The following ASIC2 variants were observed in gnomAD, a reference collection of about 807,000 sequenced individuals.
ASIC2 encodes the protein acid sensing ion channel subunit 2.
A neutral mutation model predicts 57.3 loss-of-function variants in ASIC2; 25 were observed. The observed-to-expected ratio is 0.44, with a 90% CI of 0.32 to 0.61. ASIC2 has a LOEUF of 0.61. ASIC2 is among the 20% of genes least tolerant of loss of function. The pLI is 0.06. For synonymous variants in ASIC2, 319 were observed against 307.5 expected (o/e 1.04, Z -0.39); for missense variants, 641 against 738.1 (o/e 0.87, Z 1.52).
intron 1 of ASIC2, among the ~76,000 whole-genome samples, chr17:33,445,352 A>G (rs139210485): frequency 7.9e-4 from 121 of 152,330 alleles, no homozygotes; most frequent in Non-Finnish European, 1.6e-3. Context: ...AATTGCTTGA[A>G]CCTGGGAGGC....
intron 1 of ASIC2, among the ~76,000 whole-genome samples, chr17:33,540,474 AGGGG>A (rs1915372674): frequency 6.6e-6 from 1 of 152,040 alleles, no homozygotes; most frequent in Non-Finnish European, 1.5e-5. Context: ...ATAAAGATTG[AGGGG>A]GAGGACAACA....
At chr17:33,729,317 G>T (rs561097479) in intron 1 of ASIC2, among the ~76,000 whole-genome samples, 1 of 152,222 alleles carries the variant, frequency 6.6e-6, no homozygotes, top group South Asian at 2.1e-4. Flanking sequence ...CTCAGAGCGA[G>T]AACTCATTCA....
At chr17:33,859,756 C>T (rs1191302199) in intron 1 of ASIC2, among the ~76,000 whole-genome samples, 1 of 152,216 alleles carries the variant, frequency 6.6e-6, no homozygotes, top group Non-Finnish European at 1.5e-5. Flanking sequence ...TCATGGCTCA[C>T]TGCATGCAGT....
chr17:33,078,549 G>T (rs946586109), intron 3 of ASIC2, among the ~76,000 whole-genome samples: 1 of 152,094 alleles, frequency 6.6e-6, no homozygotes, highest in South Asian at 2.1e-4. Context: ...ATCTTTTCCC[G>T]TAAGAGTTTA....
chr17:33,107,219 C>T (rs2141982638), intron 2 of ASIC2, among the ~76,000 whole-genome samples: 1 of 152,320 alleles, frequency 6.6e-6, no homozygotes, highest in Admixed American at 6.5e-5. Context: ...GCCATGAAAT[C>T]TGCACTTCTA....
chr17:33,420,269 T>G (rs1911000853), intron 1 of ASIC2, among the ~76,000 whole-genome samples: 1 of 152,218 alleles, frequency 6.6e-6, no homozygotes, highest in South Asian at 2.1e-4. Context: ...TGGTTCATGC[T>G]TTCAGGAAAT....
intron 1 of ASIC2, among the ~76,000 whole-genome samples, chr17:33,886,941 AAC>A (rs1396106382): frequency 8.5e-5 from 9 of 105,416 alleles, no homozygotes; most frequent in African/African-American, 3.7e-4. Flanking sequence ...GCAGAAAACA[AAC>A]AAACAAACTA....
chr17:34,058,702 C>T (rs75428161), intron 1 of ASIC2, among the ~76,000 whole-genome samples: 4 of 151,778 alleles, frequency 2.6e-5, no homozygotes, highest in South Asian at 4.2e-4. Flanking sequence ...TGTGGATCCC[C>T]GTTTTCTTTG....
At chr17:33,258,061 C>A (rs561069172) in intron 1 of ASIC2, among the ~76,000 whole-genome samples, 196 of 152,298 alleles carry the variant, frequency 1.3e-3, no homozygotes, top group African/African-American at 4.4e-3. Context: ...GTGACAGGAA[C>A]CATGCTGAGT....
intron 1 of ASIC2, among the ~76,000 whole-genome samples, chr17:33,706,249 A>G (rs1460794959): frequency 6.7e-6 from 1 of 150,178 alleles, no homozygotes; most frequent in African/African-American, 2.4e-5. Flanking sequence ...TTGAGACAGG[A>G]TCTGGCTCTG....
intron 1 of ASIC2, among the ~76,000 whole-genome samples, chr17:33,121,510 A>G (rs557721321): frequency 6.6e-6 from 1 of 152,158 alleles, no homozygotes; most frequent in Non-Finnish European, 1.5e-5. Flanking sequence ...GGTATTTAGC[A>G]GGTTGAGACA....
intron 1 of ASIC2, among the ~76,000 whole-genome samples, chr17:33,756,163 C>A (rs1361449291): frequency 6.6e-6 from 1 of 152,228 alleles, no homozygotes; most frequent in Non-Finnish European, 1.5e-5. Flanking sequence ...AGTGGCATGG[C>A]CTTCAGCCAG....
intron 1 of ASIC2, among the ~76,000 whole-genome samples, chr17:33,114,241 G>A (rs2141989802): frequency 6.6e-6 from 1 of 152,282 alleles, no homozygotes; most frequent in East Asian, 1.9e-4. Context: ...CTTTTTCAAA[G>A]AACCAAGTTT....
intron 7 of ASIC2, 123 bp from the exon 8 acceptor site, chr17:33,017,807 T>C (rs1026148288): frequency 2.4e-6 from 2 of 841,618 alleles, no homozygotes; most frequent in Non-Finnish European, 3.7e-6. Flanking sequence ...TGGGCCTTGT[T>C]GTGGGAGGTC....
intron 1 of ASIC2, among the ~76,000 whole-genome samples, chr17:34,033,878 C>G (rs1231424541): frequency 6.6e-6 from 1 of 152,078 alleles, no homozygotes; most frequent in East Asian, 1.9e-4. Flanking sequence ...AATAGCTTAC[C>G]AACCAAAAAA....
At chr17:33,019,839 T>A (rs547878058) in intron 7 of ASIC2, among the ~76,000 whole-genome samples, 8 of 149,132 alleles carry the variant, frequency 5.4e-5, no homozygotes, top group Admixed American at 2.0e-4. Context: ...GGGATCTGTG[T>A]GAGAGAGAGA....
chr17:33,123,468 AT>A (rs2141998986), intron 1 of ASIC2, among the ~76,000 whole-genome samples: 1 of 152,312 alleles, frequency 6.6e-6, no homozygotes, highest in African/African-American at 2.4e-5. Flanking sequence ...AGATAGTAGA[AT>A]GGTGGTTGCC....
At chr17:33,994,894 C>A (rs911958306) in intron 1 of ASIC2, among the ~76,000 whole-genome samples, 1 of 152,086 alleles carries the variant, frequency 6.6e-6, no homozygotes, top group South Asian at 2.1e-4. Flanking sequence ...AGAAAAAAAA[C>A]GGTGCTTCTT....
chr17:33,498,527 G>A (rs575300952), intron 1 of ASIC2, among the ~76,000 whole-genome samples: 16 of 152,286 alleles, frequency 1.1e-4, no homozygotes, highest in Non-Finnish European at 2.1e-4. Context: ...CAGGGGAGCC[G>A]GGGCTGACAA....
Sources: gnomAD v4.1 joint callset for allele counts (sites outside exome capture counted in the v4.1 genomes callset) on GRCh38, gnomAD v4.1.1 for gene constraint, MANE v1.5 for transcripts, NCBI Gene and HGNC (gene_info 2026-07-23, HGNC 2026-07-21) for gene names.